PTPRD: variants seen among roughly 807,000 people sequenced by gnomAD.
PTPRD encodes receptor-type tyrosine-protein phosphatase delta.
A neutral mutation model predicts 214.5 loss-of-function variants in PTPRD; 34 were observed. That is an observed-to-expected ratio of 0.16 (90% CI 0.12 to 0.21). The LOEUF (loss-of-function observed/expected upper bound fraction) is 0.21. Ranked by LOEUF, PTPRD falls within the 10% of genes least tolerant of loss-of-function variation. PTPRD has a pLI of 1.00. For missense variants in PTPRD, 2,545 were observed against 2,398.7 expected, an observed-to-expected ratio of 1.06 and a Z score of -1.27; for synonymous variants, 1,128 against 845.7, an observed-to-expected ratio of 1.33 and a Z score of -5.79.
At chr9:9,538,292 C>A (rs2076915147) in intron 8 of PTPRD, among the ~76,000 whole-genome samples, 1 of 151,892 alleles carries the variant, frequency 6.6e-6, no homozygotes, top group South Asian at 2.1e-4. Context: ...ACAAGCACAG[C>A]ACCAGTTAAA....
intron 3 of PTPRD, among the ~76,000 whole-genome samples, chr9:10,162,520 T>G (rs1489778863): frequency 6.6e-6 from 1 of 150,588 alleles, no homozygotes; most frequent in East Asian, 1.9e-4. Flanking sequence ...AGACAGTAAA[T>G]TGGTGTTTTC....
At chr9:8,417,338 T>C (rs1451513803) in intron 35 of PTPRD, among the ~76,000 whole-genome samples, 1 of 151,964 alleles carries the variant, frequency 6.6e-6, no homozygotes, top group African/African-American at 2.4e-5. Context: ...CACCATAAAT[T>C]CTGCGGGAAA....
intron 35 of PTPRD, among the ~76,000 whole-genome samples, chr9:8,432,644 T>TA (rs2095130594): frequency 6.6e-6 from 1 of 152,224 alleles, no homozygotes; most frequent in African/African-American, 2.4e-5. Flanking sequence ...TGAAAGCCAG[T>TA]AAAAATCTAT....
chr9:10,419,254 T>C (rs563912205), intron 2 of PTPRD, among the ~76,000 whole-genome samples: 7 of 151,910 alleles, frequency 4.6e-5, no homozygotes, highest in African/African-American at 1.7e-4. Flanking sequence ...AAGATGGCCA[T>C]GTGTCTTTTA....
chr9:10,525,476 A>C (rs1285787605), intron 2 of PTPRD, among the ~76,000 whole-genome samples: 1 of 152,012 alleles, frequency 6.6e-6, no homozygotes, highest in Non-Finnish European at 1.5e-5. Context: ...TCCAACAAAA[A>C]CTTAAGATTT....
intron 3 of PTPRD, among the ~76,000 whole-genome samples, chr9:10,260,952 A>ATG (rs771895180): frequency 5.6e-5 from 8 of 143,374 alleles, no homozygotes; most frequent in Admixed American, 2.7e-4. Flanking sequence ...GCATATATAC[A>ATG]TGTGTGTGTG....
intron 2 of PTPRD, among the ~76,000 whole-genome samples, chr9:10,396,359 G>C (rs770186528): frequency 6.6e-6 from 1 of 151,960 alleles, no homozygotes; most frequent in African/African-American, 2.4e-5. Context: ...TGCGGGAGCT[G>C]GCTTGGCAAT....
intron 3 of PTPRD, among the ~76,000 whole-genome samples, chr9:10,094,403 G>T (rs866901340): frequency 4.0e-4 from 60 of 151,140 alleles, no homozygotes; most frequent in African/African-American, 1.3e-3. Flanking sequence ...TGAAGAAAAG[G>T]CATTGAAAAT....
At chr9:9,024,348 G>GTTT (rs752607769) in intron 10 of PTPRD, among the ~76,000 whole-genome samples, 9,901 of 63,494 alleles carry the variant, frequency 0.16, 604 homozygotes, top group South Asian at 0.24. Flanking sequence ...GTTTTTTTTT[G>GTTT]TTTGTTTTTT....
intron 5 of PTPRD, among the ~76,000 whole-genome samples, chr9:9,929,936 G>A (rs1193822328): frequency 6.6e-6 from 1 of 152,152 alleles, no homozygotes; most frequent in African/African-American, 2.4e-5. Flanking sequence ...ACAATATAAT[G>A]AGGACACCAG....
At chr9:9,791,125 AT>A (rs1368600675) in intron 5 of PTPRD, among the ~76,000 whole-genome samples, 3 of 152,034 alleles carry the variant, frequency 2.0e-5, no homozygotes, top group African/African-American at 4.8e-5. Context: ...ACTATAAAAT[AT>A]TTTTTCCCAC....
intron 11 of PTPRD, among the ~76,000 whole-genome samples, chr9:8,911,340 G>A (rs2098745731): frequency 6.6e-6 from 1 of 151,892 alleles, no homozygotes; most frequent in Non-Finnish European, 1.5e-5. Flanking sequence ...CAATTCAGTT[G>A]GGAAAAGATG....
At chr9:9,619,772 A>G (rs898113804) in intron 7 of PTPRD, among the ~76,000 whole-genome samples, 1 of 146,622 alleles carries the variant, frequency 6.8e-6, no homozygotes, top group Non-Finnish European at 1.5e-5. Flanking sequence ...AATCTATATA[A>G]GTATATACAA....
chr9:10,406,253 G>T (rs1333391497), intron 2 of PTPRD, among the ~76,000 whole-genome samples: 1 of 151,332 alleles, frequency 6.6e-6, no homozygotes, highest in Admixed American at 6.6e-5. Context: ...TTTAAAAAGA[G>T]AAAATTTTAT....
chr9:8,413,176 C>T (rs1409967637), intron 35 of PTPRD, among the ~76,000 whole-genome samples: 1 of 152,124 alleles, frequency 6.6e-6, no homozygotes, highest in East Asian at 1.9e-4. Flanking sequence ...TACTTTGCAT[C>T]CTAAACATAG....
At chr9:8,849,172 T>A (rs10118852) in intron 11 of PTPRD, among the ~76,000 whole-genome samples, 509 of 44,464 alleles carry the variant, frequency 0.011, 5 homozygotes, top group African/African-American at 0.023. Flanking sequence ...CAAAAAAAAA[T>A]TTTTTTTTTT....
chr9:9,076,898 G>T (rs957022010), intron 10 of PTPRD, among the ~76,000 whole-genome samples: 10 of 150,342 alleles, frequency 6.7e-5, no homozygotes, highest in South Asian at 2.1e-4. Context: ...CATAGTGATT[G>T]TACTAATTTA....
intron 5 of PTPRD, among the ~76,000 whole-genome samples, chr9:9,850,562 A>G (rs1171254428): frequency 6.6e-6 from 1 of 152,108 alleles, no homozygotes; most frequent in African/African-American, 2.4e-5. Context: ...ATTTTTAAAT[A>G]GACAAATTAA....
rs140989078 is a variant in PTPRD, at chr9:10,214,363, A to G, written c.-545+126600T>C. Among the ~76,000 whole-genome samples the G allele has an allele frequency of 9.2e-3, 1,366 of 148,590 alleles. 12 individuals are homozygous for G. The highest frequency in any genetic ancestry group is 0.029 in the African/African-American group (1,159 of 40,146). ...GTTGTGTTGGCTCACTGCAACCTCT[A>G]CCTCCTGGGTTCAAGTGATTCTCCT... is the stretch of plus-strand genomic sequence containing the variant. On this transcript the variant is annotated intron_variant, in intron 3 of 45. Coordinates refer to ENST00000381196, the MANE Select transcript of PTPRD (RefSeq NM_002839.4).
Sources: gnomAD v4.1 joint callset for allele counts (sites outside exome capture counted in the v4.1 genomes callset) on GRCh38, gnomAD v4.1.1 for gene constraint, MANE v1.5 for transcripts, NCBI Gene and HGNC (gene_info 2026-07-23, HGNC 2026-07-21) for gene names.